Variants in HPGDS observed in about 807,000 individuals in gnomAD.
HPGDS encodes hematopoietic prostaglandin D synthase, also known as GST class-sigma.
In HPGDS, 26 loss-of-function variants were observed where a neutral mutation model predicts 23.1. That is an observed-to-expected ratio of 1.13 (90% confidence interval 0.83 to 1.56). The LOEUF is 1.56. HPGDS is among the 40% of genes most tolerant of loss of function. The probability of loss-of-function intolerance (pLI) is 0.00; values close to 1 mark genes in which losing one functional copy is unlikely to be tolerated. For synonymous variants in HPGDS, 95 were observed against 77.9 expected, an observed-to-expected ratio of 1.22 and a Z score of -1.16; for missense variants, 268 against 236.4, an observed-to-expected ratio of 1.13 and a Z score of -0.88.
At chr4:94,321,339 T>C (rs1299282321) in intron 2 of HPGDS, among the ~76,000 whole-genome samples, 1 of 152,228 alleles carries the variant, frequency 6.6e-6, no homozygotes, top group Non-Finnish European at 1.5e-5. Context: ...ATTGAATCTA[T>C]AAATTACCTT....
At chr4:94,306,035 G>T (rs1250455538) in intron 4 of HPGDS, among the ~76,000 whole-genome samples, 1 of 152,070 alleles carries the variant, frequency 6.6e-6, no homozygotes, top group Non-Finnish European at 1.5e-5. Flanking sequence ...ATAGAGCTGA[G>T]AGTAACACAG....
chr4:94,337,629 C>T (rs1175141687), intron 1 of HPGDS, among the ~76,000 whole-genome samples: 3 of 152,088 alleles, frequency 2.0e-5, no homozygotes, highest in African/African-American at 7.2e-5. Context: ...GAGCCAAGAT[C>T]CTGCCATTGC....
intron 2 of HPGDS, among the ~76,000 whole-genome samples, chr4:94,322,703 C>A (rs1031628742): frequency 5.3e-5 from 8 of 151,988 alleles, no homozygotes; most frequent in Non-Finnish European, 1.2e-4. Flanking sequence ...TTGATCTTTT[C>A]AAAAAATAAG....
chr4:94,339,227 A>G (rs765248687), intron 1 of HPGDS, among the ~76,000 whole-genome samples: 4 of 152,206 alleles, frequency 2.6e-5, no homozygotes, highest in Non-Finnish European at 5.9e-5. Flanking sequence ...CTGGTCCCTT[A>G]TTTCCTGTTA....
chr4:94,327,004 G>A (rs555726475), intron 2 of HPGDS, among the ~76,000 whole-genome samples: 24 of 152,196 alleles, frequency 1.6e-4, no homozygotes, highest in Admixed American at 8.5e-4. Context: ...GTTTCTCAGT[G>A]GCTTAGGCTG....
At chr4:94,309,513 T>C (rs893331443) in intron 3 of HPGDS, among the ~76,000 whole-genome samples, 27 of 152,298 alleles carry the variant, frequency 1.8e-4, no homozygotes, top group Admixed American at 6.5e-4. Context: ...CCACATTTTC[T>C]TAATCCAGTC....
intron 2 of HPGDS, 22 bp from the exon 3 acceptor site, chr4:94,317,987 A>T (rs1223387274): frequency 2.1e-5 from 29 of 1,381,086 alleles, no homozygotes; most frequent in Non-Finnish European, 3.0e-5. Context: ...ATGAGCAAAT[A>T]ATTAACTTCA....
intron 3 of HPGDS, among the ~76,000 whole-genome samples, chr4:94,313,332 A>G (rs901348328): frequency 3.9e-5 from 6 of 152,102 alleles, no homozygotes; most frequent in Admixed American, 6.6e-5. Context: ...GGGCAGGCCT[A>G]ATGGTGACAA....
chr4:94,301,140 A>T (rs747202948), intron 5 of HPGDS, among the ~76,000 whole-genome samples: 1 of 152,188 alleles, frequency 6.6e-6, no homozygotes, highest in African/African-American at 2.4e-5. Flanking sequence ...GATGTGGCAA[A>T]TGTAGTTCTG....
intron 3 of HPGDS, among the ~76,000 whole-genome samples, chr4:94,311,519 G>A (rs1756271793): frequency 6.6e-6 from 1 of 151,320 alleles, no homozygotes; most frequent in South Asian, 2.1e-4. Flanking sequence ...GGTTTTTGAT[G>A]TGTTGCTGGA....
At chr4:94,308,789 TA>T (rs1756194475) in intron 3 of HPGDS, 46 bp from the exon 4 acceptor site, 3 of 1,071,146 alleles carry the variant, frequency 2.8e-6, no homozygotes, top group Non-Finnish European at 2.8e-6. Flanking sequence ...TTTACTATAT[TA>T]AAAAGTTTGT....
intron 3 of HPGDS, among the ~76,000 whole-genome samples, chr4:94,310,287 C>T (rs1399689986): frequency 6.6e-6 from 1 of 152,124 alleles, no homozygotes; most frequent in Non-Finnish European, 1.5e-5. Flanking sequence ...GTCTTTAATC[C>T]ATCTTGAATG....
At chr4:94,326,106 C>A (rs947002431) in intron 2 of HPGDS, among the ~76,000 whole-genome samples, 4 of 151,898 alleles carry the variant, frequency 2.6e-5, no homozygotes, top group African/African-American at 9.7e-5. Context: ...TTTTCTGTCA[C>A]TATTTTTGGA....
chr4:94,340,350 T>G lies in HPGDS; in HGVS notation c.-10+2445A>C, dbSNP rs1203346474. On this transcript the variant is annotated intron_variant, in intron 1 of 5. Coordinates refer to ENST00000295256, the MANE Select transcript of HPGDS (RefSeq NM_014485.3). Reference sequence around the variant, plus strand: ...TTTTTTTTTTTTTTTTTTTTTTTTTTTTTTTTGAGACGGAGTCTCTCTCTG... The same window carrying G: ...TTTTTTTTTTTTTTTTTTTTTTTTTGTTTTTTGAGACGGAGTCTCTCTCTG... 4.5e-5 allele frequency among the ~76,000 whole-genome samples: 4 copies of G among 88,716 alleles called. No homozygotes were observed. In the East Asian group the frequency reaches 1.0e-3, roughly 22 times the overall value. The allele number at this position is 88,716 out of a possible 152,430, so 58.2% of individuals were successfully genotyped here.
At chr4:94,338,085 A>G (rs1431982383) in intron 1 of HPGDS, among the ~76,000 whole-genome samples, 1 of 152,230 alleles carries the variant, frequency 6.6e-6, no homozygotes, top group Admixed American at 6.5e-5. Flanking sequence ...CAGGAATACC[A>G]GATGTTATAT....
At chr4:94,301,444 G>C (rs1052924821) in intron 5 of HPGDS, among the ~76,000 whole-genome samples, 1 of 152,088 alleles carries the variant, frequency 6.6e-6, no homozygotes, top group Non-Finnish European at 1.5e-5. Flanking sequence ...CTATTAACTG[G>C]AATACTTTCA....
Position 94,342,442 on chromosome 4 carries a change from A to C in HPGDS, c.-10+353T>G, listed in dbSNP as rs142574105. On this transcript the variant is annotated intron_variant, in intron 1 of 5. Coordinates refer to ENST00000295256, the MANE Select transcript of HPGDS (RefSeq NM_014485.3). ...GCCATGAGATAATATTCTCTACTCCATCAATCCAAGTTATTGAAGAATCAC... is the reference window on the plus strand; with the variant it reads ...GCCATGAGATAATATTCTCTACTCCCTCAATCCAAGTTATTGAAGAATCAC... 3.8e-3 allele frequency among the ~76,000 whole-genome samples: 582 copies of C among 152,372 alleles called. 3 individuals are homozygous for C. The highest frequency in any genetic ancestry group is 6.3e-3 in the Non-Finnish European group (429 of 68,034).
intron 4 of HPGDS, among the ~76,000 whole-genome samples, chr4:94,304,314 G>T (rs897097959): frequency 1.3e-5 from 2 of 152,114 alleles, no homozygotes; most frequent in African/African-American, 4.8e-5. Context: ...TTTAGATGAG[G>T]AAATGGAAAC....
chr4:94,302,230 A>T lies in HPGDS; in HGVS notation c.351T>A (p.Asn117Lys). The T allele has an allele frequency of 1.2e-6, 2 of 1,609,940 alleles. No individual in the cohort carries two copies. Among genetic ancestry groups the T allele is most frequent in the Non-Finnish European group, 1.7e-6 (2 of 1,177,004 alleles). The change falls in exon 5 of 6, where the codon AAT (asparagine) becomes AAA (lysine). Residue 117 changes from asparagine to lysine, a missense_variant. By Grantham distance (94) the Asn-to-Lys change is moderately conservative (BLOSUM62 0). Coordinates refer to ENST00000295256, the MANE Select transcript of HPGDS (RefSeq NM_014485.3). ...KKQDVKEQMF[N>K]ELLTYNAPHL... ...GAGGCGCATTATACGTGAGCAGCTC[A>T]TTGAACATCTGCTCCTAGGAGAAGG...
Sources: gnomAD v4.1 joint callset for allele counts (sites outside exome capture counted in the v4.1 genomes callset) on GRCh38, gnomAD v4.1.1 for gene constraint, MANE v1.5 for transcripts, NCBI Gene and HGNC (gene_info 2026-07-23, HGNC 2026-07-21) for gene names.